Variants in NEK10 observed in about 807,000 individuals in gnomAD.
The protein encoded by NEK10 is serine/threonine-protein kinase Nek10.
In NEK10, 122 loss-of-function variants were observed where a neutral mutation model predicts 159.8. That is an observed-to-expected ratio of 0.76 (90% CI 0.66 to 0.89). NEK10 has a LOEUF of 0.89. Ranked by LOEUF, NEK10 falls within the 40% of genes least tolerant of loss-of-function variation. The pLI, the probability that NEK10 is intolerant of heterozygous loss-of-function variation, is 0.00. For missense variants in NEK10, 1,342 were observed against 1,323.1 expected (o/e 1.01, Z -0.22); for synonymous variants, 466 against 457.1 (o/e 1.02, Z -0.25).
At chr3:27,305,628 A>AT (rs372463121) in intron 11 of NEK10, among the ~76,000 whole-genome samples, 51,791 of 148,974 alleles carry the variant, frequency 0.35, 11,264 homozygotes, top group African/African-American at 0.63. Context: ...AAAAAAAAAA[A>AT]AATAATAATA....
chr3:27,174,137 A>G (rs1001212669), intron 28 of NEK10, among the ~76,000 whole-genome samples: 4 of 152,180 alleles, frequency 2.6e-5, no homozygotes, highest in Admixed American at 1.3e-4. Context: ...GGTCATGTCC[A>G]TTACTCCTGT....
chr3:27,276,394 G>C (rs2041775129), intron 22 of NEK10, among the ~76,000 whole-genome samples: 1 of 152,042 alleles, frequency 6.6e-6, no homozygotes, highest in African/African-American at 2.4e-5. Context: ...GCAGAAGGGA[G>C]GAAGAGCATT....
intron 22 of NEK10, chr3:27,265,589 G>A (rs2149371911): frequency 6.6e-6 from 1 of 152,138 alleles, no homozygotes; most frequent in South Asian, 2.1e-4. Flanking sequence ...TAAAGAAATG[G>A]ACCACTTCAT....
intron 23 of NEK10, among the ~76,000 whole-genome samples, chr3:27,253,845 CT>C (rs769349907): frequency 2.0e-5 from 3 of 152,136 alleles, no homozygotes; most frequent in Non-Finnish European, 4.4e-5. Flanking sequence ...CAAAAAAATT[CT>C]AGAATGTCGG....
intron 1 of NEK10, among the ~76,000 whole-genome samples, chr3:27,355,884 A>G (rs1191587388): frequency 6.6e-6 from 1 of 152,126 alleles, no homozygotes; most frequent in Non-Finnish European, 1.5e-5. Flanking sequence ...ACATGAACCC[A>G]CGAACATGCC....
At position 27,221,260 on chromosome 3, in the gene NEK10, T is replaced by C. The variant is rs1390727661; in HGVS notation, c.2091-18703A>G. Reference sequence around the variant, plus strand: ...AGAACACACTTACAAATCATATATCTGATACATATCTGCTTTCCAAAATAA... The same window carrying C: ...AGAACACACTTACAAATCATATATCCGATACATATCTGCTTTCCAAAATAA... On this transcript the variant is annotated intron_variant, in intron 23 of 35. Transcript: ENST00000691995. 3.3e-5 allele frequency among the ~76,000 whole-genome samples: 5 copies of C among 152,226 alleles called. 1 individual carries two copies. The highest frequency in any genetic ancestry group is 3.3e-4 in the Admixed American group (5 of 15,290).
intron 22 of NEK10, among the ~76,000 whole-genome samples, chr3:27,280,203 T>G (rs575481876): frequency 1.3e-5 from 2 of 150,932 alleles, no homozygotes; most frequent in African/African-American, 4.9e-5. Context: ...GGATGAGATA[T>G]TCCAATAAAT....
At position 27,284,899 on chromosome 3, in the gene NEK10, A is replaced by T; in HGVS notation, c.1852T>A (p.Ser618Thr). The stretch of plus-strand genomic sequence containing the variant: ...AAATGGTGATGTTTTTCCTTCAAAG[A>T]ACTGAAATGCTCTCCAAGCGGGGCT... ...EGAPLGEHFS[S>T]LKEKHHHFTE... The change falls in exon 21 of 36, where the codon TCT becomes ACT. Residue 618 changes from serine (S) to threonine (T), a missense_variant. Coordinates refer to ENST00000691995, the MANE Select transcript of NEK10 (RefSeq NM_001394966.1). 2 of 1,599,190 alleles carry T rather than the reference A, an allele frequency of 1.3e-6. No homozygotes were observed. The highest frequency in any genetic ancestry group is 1.1e-5 in the South Asian group (1 of 90,744).
At chr3:27,273,515 C>T (rs999243357) in intron 22 of NEK10, among the ~76,000 whole-genome samples, 1 of 152,136 alleles carries the variant, frequency 6.6e-6, no homozygotes, top group Non-Finnish European at 1.5e-5. Context: ...TGAGAAAATG[C>T]ATATCTATCC....
At chr3:27,130,563 T>A (rs1942500076) in intron 32 of NEK10, among the ~76,000 whole-genome samples, 1 of 152,188 alleles carries the variant, frequency 6.6e-6, no homozygotes, top group South Asian at 2.1e-4. Flanking sequence ...CACCTTTATG[T>A]CTCAGACAGT....
intron 31 of NEK10, among the ~76,000 whole-genome samples, chr3:27,139,459 T>C (rs1943561381): frequency 1.3e-5 from 2 of 152,168 alleles, no homozygotes; most frequent in Admixed American, 6.5e-5. Flanking sequence ...ATGTACACCA[T>C]GACCCAGTAT....
chr3:27,273,196 C>T (rs1048373014), intron 22 of NEK10, among the ~76,000 whole-genome samples: 1 of 152,102 alleles, frequency 6.6e-6, no homozygotes, highest in Admixed American at 6.5e-5. Context: ...TATGCAAGAC[C>T]CTGCAGCCAT....
chr3:27,196,389 C>T (rs981780542), intron 25 of NEK10, among the ~76,000 whole-genome samples: 1 of 152,202 alleles, frequency 6.6e-6, no homozygotes, highest in Non-Finnish European at 1.5e-5. Context: ...AAAGCCCTTT[C>T]CTTCTACAAC....
At chr3:27,174,901 G>T in intron 26 of NEK10, 68 bp from the exon 27 acceptor site, 2 of 1,306,060 alleles carry the variant, frequency 1.5e-6, no homozygotes, top group Non-Finnish European at 2.1e-6. Context: ...CCTAAATCTT[G>T]TTAGAACATA....
chr3:27,282,725 G>GTT (rs2042295990), intron 22 of NEK10, among the ~76,000 whole-genome samples: 1 of 141,550 alleles, frequency 7.1e-6, no homozygotes, highest in Non-Finnish European at 1.5e-5. Flanking sequence ...ACATAACTGT[G>GTT]TTATATATAT....
chr3:27,215,074 C>T (rs1439786369), intron 23 of NEK10: 1 of 553,416 alleles, frequency 1.8e-6, no homozygotes, highest in Non-Finnish European at 3.4e-6. Flanking sequence ...CGCTCCAACC[C>T]CTGCAAGTCT....
At chr3:27,316,914 A>T (rs547518) in intron 6 of NEK10, among the ~76,000 whole-genome samples, 96,637 of 152,052 alleles carry the variant, frequency 0.64, 33,033 homozygotes, top group African/African-American at 0.91. Context: ...GGCGCTGCTG[A>T]GCACTATAAG....
chr3:27,139,469 T>A (rs555422710), intron 31 of NEK10, among the ~76,000 whole-genome samples: 1 of 152,134 alleles, frequency 6.6e-6, no homozygotes, highest in African/African-American at 2.4e-5. Flanking sequence ...TGACCCAGTA[T>A]GAAATAGGAA....
chr3:27,160,127 T>A (rs1030979817), intron 30 of NEK10, among the ~76,000 whole-genome samples: 3 of 151,948 alleles, frequency 2.0e-5, no homozygotes, highest in Non-Finnish European at 2.9e-5. Flanking sequence ...TTTAAAAAAA[T>A]AAATCATTCA....
Sources: gnomAD v4.1 joint callset for allele counts (sites outside exome capture counted in the v4.1 genomes callset) on GRCh38, gnomAD v4.1.1 for gene constraint, MANE v1.5 for transcripts, NCBI Gene and HGNC (gene_info 2026-07-23, HGNC 2026-07-21) for gene names.